Variants in CD180 observed in about 807,000 individuals in gnomAD.
CD180 encodes CD180 molecule.
CD180 carries 11 observed loss-of-function variants against 10.7 expected under a neutral mutation model. That is an observed-to-expected ratio of 1.03 (90% CI 0.65 to 1.70). The LOEUF (loss-of-function observed/expected upper bound fraction) is 1.70. Ranked by LOEUF, CD180 falls within the 40% of genes most tolerant of loss-of-function variation. The pLI, the probability that CD180 is intolerant of heterozygous loss-of-function variation, is 0.00. For synonymous variants in CD180, 286 were observed against 294.6 expected (o/e 0.97, Z 0.30); for missense variants, 729 against 775.2 (o/e 0.94, Z 0.71).
In CD180 at chr5:67,183,744, C is replaced by T; in HGVS notation, c.1099G>A (p.Glu367Lys). 1 of 1,614,136 alleles carries T rather than the reference C, an allele frequency of 6.2e-7. No individual in the cohort carries two copies. Among genetic ancestry groups the T allele is most frequent in the Non-Finnish European group, 8.5e-7 (1 of 1,180,028 alleles). The change falls in exon 3 of 3, where the codon GAG (glutamate) becomes AAG (lysine). Residue 367 changes from glutamate (E) to lysine (K), a missense_variant. Coordinates refer to ENST00000256447, the MANE Select transcript of CD180 (RefSeq NM_005582.3). Reference protein sequence around the residue: ...KKLHLGVGCLEKLGNLQTLDL... With the variant: ...KKLHLGVGCLKKLGNLQTLDL... ...AGTGTCTGAAGGTTTCCTAGTTTCT[C>T]CAAGCAGCCAACACCAAGGTGAAGT...
chr5:67,192,557 C>T (rs1294129175), intron 1 of CD180, among the ~76,000 whole-genome samples: 4 of 151,986 alleles, frequency 2.6e-5, no homozygotes, highest in South Asian at 2.1e-4. Context: ...AGAAGGCAGA[C>T]GGGGAGCAGG....
chr5:67,184,423 G>A lies in CD180; in HGVS notation c.420C>T (p.Leu140=), dbSNP rs145882271. The A allele has an allele frequency of 2.0e-5, 32 of 1,613,874 alleles. No homozygotes were observed. The highest frequency in any genetic ancestry group is 2.2e-5 in the Non-Finnish European group (26 of 1,179,892). ...LFLIQTGISN[L]EFIPVHNLEN... is the part of the protein sequence containing the mutation. ...CCAGATTGTGCACTGGAATAAACTCGAGATTGGATATTCCCGTTTGGATTA... is the reference window on the plus strand; with the variant it reads ...CCAGATTGTGCACTGGAATAAACTCAAGATTGGATATTCCCGTTTGGATTA... The change falls in exon 3 of 3, where the codon CTC becomes CTT. Residue 140 remains leucine (L), a synonymous_variant. Transcript: ENST00000256447.
At chr5:67,194,535 AC>A (rs747945873) in intron 1 of CD180, among the ~76,000 whole-genome samples, 2 of 152,248 alleles carry the variant, frequency 1.3e-5, no homozygotes, top group Non-Finnish European at 2.9e-5. Flanking sequence ...ATTCCCGTGT[AC>A]CCTGCCCACC....
In CD180 at chr5:67,182,789, TGAC is replaced by T; in HGVS notation, c.*65_*67del. The T allele has an allele frequency of 7.5e-7, 1 of 1,332,574 alleles. No individual in the cohort carries two copies. Among genetic ancestry groups the T allele is most frequent in the Non-Finnish European group, 1.0e-6 (1 of 970,202 alleles). The allele number at this position is 1,332,574 out of a possible 1,614,324, so 82.5% of individuals were successfully genotyped here. ...AAAGTCTGGTCTGGTCACCAGCAGA[TGAC>T]AGTTCTTTCACTTAGAGCAATTTTG... On this transcript the variant is annotated 3_prime_UTR_variant, in exon 3 of 3. Transcript: ENST00000256447.
chr5:67,183,014 G>C lies in CD180; in HGVS notation c.1829C>G (p.Pro610Arg), dbSNP rs776431180. Reference protein sequence around the residue: ...EGSEETTCANPPSLRGVKLSD... With the variant: ...EGSEETTCANRPSLRGVKLSD... ...TAGCTTAACTCCCCTTAGAGATGGC[G>C]GGTTTGCACACGTGGTCTCCTCCGA... is the stretch of plus-strand genomic sequence containing the variant. The change falls in exon 3 of 3, where the codon CCG becomes CGG. Residue 610 changes from proline to arginine, a missense_variant. Transcript: ENST00000256447. The C allele has an allele frequency of 6.2e-7, 1 of 1,614,198 alleles. No homozygotes were observed. Among genetic ancestry groups the C allele is most frequent in the Non-Finnish European group, 8.5e-7 (1 of 1,180,034 alleles).
intron 1 of CD180, among the ~76,000 whole-genome samples, chr5:67,189,441 C>G (rs1297057855): frequency 6.6e-6 from 1 of 152,170 alleles, no homozygotes; most frequent in Non-Finnish European, 1.5e-5. Flanking sequence ...CCAAGAGGAT[C>G]AAGGAGGCCA....
intron 1 of CD180, among the ~76,000 whole-genome samples, chr5:67,194,158 A>G (rs941370155): frequency 2.6e-5 from 4 of 152,242 alleles, no homozygotes; most frequent in African/African-American, 7.2e-5. Flanking sequence ...AATTTAGTTT[A>G]TACTTTAACC....
intron 1 of CD180, among the ~76,000 whole-genome samples, chr5:67,195,066 G>A (rs1443007291): frequency 2.0e-5 from 3 of 152,182 alleles, no homozygotes; most frequent in Non-Finnish European, 4.4e-5. Flanking sequence ...TGCATGCCAG[G>A]GAGCGAGGGT....
chr5:67,196,677 CT>C lies in CD180; in HGVS notation c.-37del. On this transcript the variant is annotated 5_prime_UTR_variant, in exon 1 of 3. Coordinates refer to ENST00000256447, the MANE Select transcript of CD180 (RefSeq NM_005582.3). The stretch of plus-strand genomic sequence containing the variant: ...GATTGCTTGGTGGGTTTACCTAATG[CT>C]TGGAGCTGAGAAATGGAATCAAACT... The C allele has an allele frequency of 6.2e-7, 1 of 1,613,326 alleles. No individual in the cohort carries two copies. The highest frequency in any genetic ancestry group is 1.3e-5 in the African/African-American group (1 of 74,946).
intron 1 of CD180, among the ~76,000 whole-genome samples, chr5:67,195,226 GTTTGT>G (rs1476512458): frequency 1.3e-5 from 2 of 152,116 alleles, no homozygotes; most frequent in Non-Finnish European, 2.9e-5. Flanking sequence ...TTTTTGGTTT[GTTTGT>G]TTTAAGACAG....
In CD180 at chr5:67,180,979, A is replaced by G. The variant is rs923817445; in HGVS notation, c.*1878T>C. 1.3e-5 allele frequency: 2 copies of G among 151,668 alleles called. No homozygotes were observed. The highest frequency in any genetic ancestry group is 2.4e-5 in the African/African-American group (1 of 41,056). 9.4% of individuals were successfully genotyped at this position (151,668 alleles called of 1,614,324 possible). On this transcript the variant is annotated 3_prime_UTR_variant, in exon 3 of 3. Coordinates refer to ENST00000256447, the MANE Select transcript of CD180 (RefSeq NM_005582.3). ...GCACTATAGCACTCCAGCCTGGGCGACAGAGCAAGAATCAGTCTCAAAAAA... is the reference window on the plus strand; with the variant it reads ...GCACTATAGCACTCCAGCCTGGGCGGCAGAGCAAGAATCAGTCTCAAAAAA...
In CD180 at chr5:67,183,676, A is replaced by G. The variant is rs369093145; in HGVS notation, c.1167T>C (p.Ser389=). 74 of 1,613,978 alleles carry G rather than the reference A, an allele frequency of 4.6e-5. No individual in the cohort carries two copies. The highest frequency in any genetic ancestry group is 6.1e-5 in the Non-Finnish European group (72 of 1,180,012). The part of the protein sequence containing the change: ...HNDIEASDCC[S]LQLKNLSHLQ... Reference sequence around the variant, plus strand: ...AGTGGGACAGGTTTTTGAGTTGCAGACTGCAGCAGTCAGAAGCCTCTATGT... The same window carrying G: ...AGTGGGACAGGTTTTTGAGTTGCAGGCTGCAGCAGTCAGAAGCCTCTATGT... Residue 389 remains serine, a synonymous_variant, in exon 3 of 3, where the codon AGT becomes AGC. Coordinates refer to ENST00000256447, the MANE Select transcript of CD180 (RefSeq NM_005582.3).
In CD180 at chr5:67,182,644, C is replaced by T; in HGVS notation, c.*213G>A. 2.2e-6 allele frequency: 1 copy of T among 448,734 alleles called. No homozygotes were observed. The highest frequency in any genetic ancestry group is 4.0e-6 in the Non-Finnish European group (1 of 252,966). The allele number at this position is 448,734 out of a possible 1,614,324, so 27.8% of individuals were successfully genotyped here. A position where few individuals can be genotyped will look rare whatever the true frequency, so the allele number is the denominator to read the frequency against. On this transcript the variant is annotated 3_prime_UTR_variant, in exon 3 of 3. Coordinates refer to ENST00000256447, the MANE Select transcript of CD180 (RefSeq NM_005582.3). ...CTGTGCCTCTCACAGCAGCATCTGACCCTCTGGACTGAGTCATTCGGTGTA... is the reference window on the plus strand; with the variant it reads ...CTGTGCCTCTCACAGCAGCATCTGATCCTCTGGACTGAGTCATTCGGTGTA...
At chr5:67,187,052 A>G (rs940775308) in intron 1 of CD180, among the ~76,000 whole-genome samples, 5 of 152,256 alleles carry the variant, frequency 3.3e-5, no homozygotes, top group African/African-American at 1.2e-4. Flanking sequence ...GTAATTTTGA[A>G]TGAGGACAGT....
At chr5:67,187,901 T>C (rs1742227388) in intron 1 of CD180, among the ~76,000 whole-genome samples, 1 of 152,278 alleles carries the variant, frequency 6.6e-6, no homozygotes, top group African/African-American at 2.4e-5. Flanking sequence ...ATCGCGGGAC[T>C]GGACTCCTGA....
intron 1 of CD180, among the ~76,000 whole-genome samples, chr5:67,194,114 A>G (rs1300161926): frequency 1.3e-5 from 2 of 152,198 alleles, no homozygotes; most frequent in African/African-American, 4.8e-5. Context: ...CTCCTTGGTC[A>G]TTCCTGGGTG....
intron 1 of CD180, among the ~76,000 whole-genome samples, chr5:67,192,560 G>T (rs1226258303): frequency 6.6e-6 from 1 of 152,030 alleles, no homozygotes; most frequent in African/African-American, 2.4e-5. Context: ...AGGCAGACGG[G>T]GAGCAGGCAC....
intron 2 of CD180, among the ~76,000 whole-genome samples, chr5:67,184,921 T>C (rs535746555): frequency 1.3e-5 from 2 of 152,212 alleles, no homozygotes; most frequent in African/African-American, 4.8e-5. Flanking sequence ...ATAGAATGCA[T>C]AATAGATAAT....
In CD180 at chr5:67,183,379, C is replaced by T. The variant is rs201778641; in HGVS notation, c.1464G>A (p.Lys488=). The change falls in exon 3 of 3, where the codon AAG becomes AAA. Residue 488 remains lysine, a synonymous_variant. Coordinates refer to ENST00000256447, the MANE Select transcript of CD180 (RefSeq NM_005582.3). Reference sequence around the variant, plus strand: ...TGCCCACGGTCTGAAGTAGGTTGGTCTTCGTGATAGTCCCATCTTGAAAGT... The same window carrying T: ...TGCCCACGGTCTGAAGTAGGTTGGTTTTCGTGATAGTCCCATCTTGAAAGT... ...GNHFQDGTIT[K]TNLLQTVGSL... The T allele has an allele frequency of 3.7e-6, 6 of 1,614,050 alleles. No individual in the cohort carries two copies. The highest frequency in any genetic ancestry group is 5.1e-6 in the Non-Finnish European group (6 of 1,180,036).
Sources: allele counts gnomAD v4.1 joint callset (sites outside exome capture counted in the v4.1 genomes callset), GRCh38; gene constraint gnomAD v4.1.1; transcripts MANE v1.5; gene names NCBI Gene and HGNC (gene_info 2026-07-23, HGNC 2026-07-21).